Variants in FAM184B observed in about 807,000 individuals in gnomAD.
FAM184B encodes the protein protein FAM184B.
FAM184B carries 111 observed loss-of-function variants against 135.9 expected under a neutral mutation model. The ratio of observed to expected loss-of-function variants is 0.82; its 90% CI spans 0.70 to 0.96. The LOEUF is 0.96. Among genes scored for constraint, FAM184B ranks in the 40% least tolerant of loss-of-function variants. The probability of loss-of-function intolerance (pLI) is 0.00; values close to 1 mark genes in which losing one functional copy is unlikely to be tolerated. For missense variants in FAM184B, 1,375 were observed against 1,323.9 expected (o/e 1.04, Z -0.60); for synonymous variants, 552 against 524.8 (o/e 1.05, Z -0.71).
At chr4:17,773,895 A>G (rs1349125889) in intron 1 of FAM184B, among the ~76,000 whole-genome samples, 2 of 152,178 alleles carry the variant, frequency 1.3e-5, no homozygotes, top group African/African-American at 2.4e-5. Flanking sequence ...AGTTTGAGAG[A>G]TGGTTCTTGC....
intron 1 of FAM184B, among the ~76,000 whole-genome samples, chr4:17,720,190 C>T (rs7676750): frequency 0.039 from 5,883 of 152,214 alleles, 258 homozygotes; most frequent in African/African-American, 0.1. Flanking sequence ...CAGGCTGGAC[C>T]TGCCACCTGA....
At chr4:17,695,642 G>A (rs1192531877) in intron 5 of FAM184B, among the ~76,000 whole-genome samples, 1 of 151,960 alleles carries the variant, frequency 6.6e-6, no homozygotes, top group African/African-American at 2.4e-5. Context: ...TATGTGGAAT[G>A]TTGAGTGACA....
At chr4:17,712,767 C>T (rs1431561121) in intron 1 of FAM184B, among the ~76,000 whole-genome samples, 2 of 151,956 alleles carry the variant, frequency 1.3e-5, no homozygotes, top group Admixed American at 1.3e-4. Context: ...CTTTGTATGG[C>T]TTTAAAAAAA....
Position 17,705,174 on chromosome 4 carries a change from A to G in FAM184B, c.1203T>C (p.Tyr401=), listed in dbSNP as rs1449120363. The change falls in exon 5 of 18, where the codon TAT becomes TAC. Residue 401 remains tyrosine (Y), a synonymous_variant. Coordinates refer to ENST00000265018, the MANE Select transcript of FAM184B (RefSeq NM_015688.2). ...GGTCTTCTTCATATTGTTGCTTCATATATTCTGTCTCAGCACTTGCCTCTT... is the reference window on the plus strand; with the variant it reads ...GGTCTTCTTCATATTGTTGCTTCATGTATTCTGTCTCAGCACTTGCCTCTT... ...TKKEASAETE[Y]MKQQYEEDLR... is the part of the protein sequence containing the mutation. 2 of 1,551,712 alleles carry G rather than the reference A, an allele frequency of 1.3e-6. No homozygotes were observed. Among genetic ancestry groups the G allele is most frequent in the African/African-American group, 1.4e-5 (1 of 73,058 alleles).
intron 8 of FAM184B, among the ~76,000 whole-genome samples, chr4:17,662,957 A>G (rs1490907923): frequency 6.6e-6 from 1 of 152,008 alleles, no homozygotes; most frequent in Admixed American, 6.6e-5. Context: ...TTTTTTTGGG[A>G]CAGGGTCTTG....
chr4:17,772,782 G>T (rs1019722493), intron 1 of FAM184B, among the ~76,000 whole-genome samples: 1 of 152,196 alleles, frequency 6.6e-6, no homozygotes, highest in African/African-American at 2.4e-5. Flanking sequence ...CTGAATTCCT[G>T]ATGCTTATCC....
In FAM184B at chr4:17,755,374, A is replaced by C. The variant is rs1268400611; in HGVS notation, c.141+25785T>G. 5.3e-5 allele frequency among the ~76,000 whole-genome samples: 8 copies of C among 152,238 alleles called. 1 individual carries two copies. Among genetic ancestry groups the C allele is most frequent in the Admixed American group, 5.2e-4 (8 of 15,284 alleles). ...CCACAGTGAGACACCATCTCAAGCC[A>C]GTCAGAATGGTGATTATTAAAAAGT... On this transcript the variant is annotated intron_variant, in intron 1 of 17. Coordinates refer to ENST00000265018, the MANE Select transcript of FAM184B (RefSeq NM_015688.2).
At chr4:17,699,151 G>A (rs917741653) in intron 5 of FAM184B, among the ~76,000 whole-genome samples, 2 of 151,970 alleles carry the variant, frequency 1.3e-5, no homozygotes, top group Admixed American at 6.5e-5. Flanking sequence ...AAAAAGATTA[G>A]ATGGTACAGA....
chr4:17,683,339 T>C (rs1231385140), intron 7 of FAM184B, among the ~76,000 whole-genome samples: 10 of 152,118 alleles, frequency 6.6e-5, no homozygotes, highest in Admixed American at 6.5e-4. Flanking sequence ...GGAGCAAGAG[T>C]TAGCACCTAG....
chr4:17,705,548 A>G (rs1452294704), intron 4 of FAM184B, among the ~76,000 whole-genome samples: 27 of 152,176 alleles, frequency 1.8e-4, no homozygotes, highest in Admixed American at 1.8e-3. Flanking sequence ...TAGCGTTGGG[A>G]GGATTCTGCT....
intron 1 of FAM184B, among the ~76,000 whole-genome samples, chr4:17,752,329 G>T (rs141308915): frequency 6.6e-6 from 1 of 152,080 alleles, no homozygotes; most frequent in South Asian, 2.1e-4. Flanking sequence ...TGGGTGGATG[G>T]GTAGGACGGG....
At chr4:17,633,997 GC>G in intron 16 of FAM184B, 109 bp from the exon 17 acceptor site, 2 of 878,188 alleles carry the variant, frequency 2.3e-6, no homozygotes, top group Non-Finnish European at 3.1e-6. Flanking sequence ...CGGAGAAGAA[GC>G]AACAATTTCA....
rs1714950414 is a variant in FAM184B, at chr4:17,631,728, C to A, written c.*804G>T. On this transcript the variant is annotated 3_prime_UTR_variant, in exon 18 of 18. Coordinates refer to ENST00000265018, the MANE Select transcript of FAM184B (RefSeq NM_015688.2). ...AGTGAAAGTATTCAGTCCAAGCATG[C>A]TACCATCCATTTCTGGTAGGTTTGG... The A allele has an allele frequency of 6.6e-6, 1 of 152,212 alleles. No individual in the cohort carries two copies. Among genetic ancestry groups the A allele is most frequent in the South Asian group, 2.1e-4 (1 of 4,826 alleles). 9.4% of individuals were successfully genotyped at this position (152,212 alleles called of 1,614,324 possible). A position where few individuals can be genotyped will look rare whatever the true frequency, so the allele number is the denominator to read the frequency against.
chr4:17,678,635 A>C (rs1716370084), intron 7 of FAM184B, among the ~76,000 whole-genome samples: 1 of 152,198 alleles, frequency 6.6e-6, no homozygotes, highest in African/African-American at 2.4e-5. Flanking sequence ...TGCAATTCCC[A>C]TCAAAATATT....
rs1196844336 is a variant in FAM184B at position 17,632,439 on chromosome 4, A to G, written c.*93T>C. 6 of 1,038,102 alleles carry G rather than the reference A, an allele frequency of 5.8e-6. No homozygotes were observed. Among genetic ancestry groups the G allele is most frequent in the Non-Finnish European group, 7.0e-6 (5 of 709,522 alleles). The allele number at this position is 1,038,102 out of a possible 1,614,324, so 64.3% of individuals were successfully genotyped here. A position where few individuals can be genotyped will look rare whatever the true frequency, so the allele number is the denominator to read the frequency against. ...ATCATATATAAATCATAAGCATATT[A>G]TTTGGTTGGTTGGTGTTAGTTCATT... On this transcript the variant is annotated 3_prime_UTR_variant, in exon 18 of 18. Transcript: ENST00000265018.
chr4:17,636,715 A>C lies in FAM184B; in HGVS notation c.2667-70T>G, dbSNP rs1715150842. 1.0e-5 allele frequency: 13 copies of C among 1,260,872 alleles called. No homozygotes were observed. In the Admixed American group the frequency reaches 2.9e-4, roughly 28 times the overall value. The allele number at this position is 1,260,872 out of a possible 1,614,324, so 78.1% of individuals were successfully genotyped here. On this transcript the variant is annotated intron_variant, in intron 14 of 17. Transcript: ENST00000265018. ...CTCAACAAAGAGGGAGAACAAGTGC[A>C]CACGATGGGAATGCCATCCTGTGTT... is the stretch of plus-strand genomic sequence containing the variant.
At chr4:17,751,693 AG>A (rs1298997574) in intron 1 of FAM184B, among the ~76,000 whole-genome samples, 1 of 151,984 alleles carries the variant, frequency 6.6e-6, no homozygotes, top group Non-Finnish European at 1.5e-5. Context: ...TTTAAGCAAT[AG>A]GCAGGCCCAC....
chr4:17,737,880 G>A (rs564656942), intron 1 of FAM184B, among the ~76,000 whole-genome samples: 1 of 152,266 alleles, frequency 6.6e-6, no homozygotes, highest in South Asian at 2.1e-4. Flanking sequence ...GCTGAGGAAC[G>A]CAAAGATACA....
At chr4:17,670,983 G>GAGT (rs1296006473) in intron 7 of FAM184B, among the ~76,000 whole-genome samples, 1 of 152,150 alleles carries the variant, frequency 6.6e-6, no homozygotes, top group Non-Finnish European at 1.5e-5. Flanking sequence ...AAACTGAGAG[G>GAGT]AGTAATGTCA....
Sources: gnomAD v4.1 joint callset for allele counts (sites outside exome capture counted in the v4.1 genomes callset) on GRCh38, gnomAD v4.1.1 for gene constraint, MANE v1.5 for transcripts, NCBI Gene and HGNC (gene_info 2026-07-23, HGNC 2026-07-21) for gene names.